MMP24: variants seen among roughly 807,000 people sequenced by gnomAD.
MMP24 encodes matrix metallopeptidase 24.
In MMP24, 25 loss-of-function variants were observed where a neutral mutation model predicts 62.8. The observed-to-expected ratio is 0.40, with a 90% CI of 0.29 to 0.56. The LOEUF (loss-of-function observed/expected upper bound fraction) is 0.56, where lower values mean the gene tolerates loss of function less well. MMP24 is among the 20% of genes least tolerant of loss of function. MMP24 has a pLI of 0.50. For synonymous variants in MMP24, 319 were observed against 350.5 expected, an observed-to-expected ratio of 0.91 and a Z score of 1.00; for missense variants, 634 against 853.6, an observed-to-expected ratio of 0.74 and a Z score of 3.21.
At chr20:35,251,285 AT>A (rs561724986) in intron 2 of MMP24, among the ~76,000 whole-genome samples, 37 of 146,856 alleles carry the variant, frequency 2.5e-4, no homozygotes, top group Admixed American at 3.4e-4. Context: ...CAGCTGGCTA[AT>A]TTTTTTTTTT....
chr20:35,235,342 TAC>T (rs2060457739), intron 1 of MMP24, among the ~76,000 whole-genome samples: 1 of 152,128 alleles, frequency 6.6e-6, no homozygotes, highest in South Asian at 2.1e-4. Context: ...AAGTTGAGGC[TAC>T]AGAGAGCAGA....
intron 1 of MMP24, among the ~76,000 whole-genome samples, chr20:35,232,863 C>T (rs930349291): frequency 2.6e-5 from 4 of 152,138 alleles, no homozygotes; most frequent in Non-Finnish European, 5.9e-5. Flanking sequence ...GCGACCTGCT[C>T]AGAGCCATGT....
intron 1 of MMP24, among the ~76,000 whole-genome samples, chr20:35,230,075 C>T (rs542820904): frequency 5.9e-5 from 9 of 152,122 alleles, no homozygotes; most frequent in Admixed American, 1.3e-4. Flanking sequence ...CTGCAACCTC[C>T]GCCTCCCAGG....
intron 2 of MMP24, among the ~76,000 whole-genome samples, chr20:35,247,307 G>A (rs1334207154): frequency 6.6e-6 from 1 of 152,114 alleles, no homozygotes; most frequent in African/African-American, 2.4e-5. Flanking sequence ...TTATCTATGG[G>A]TCACCCTCTG....
At position 35,276,389 on chromosome 20, in the gene MMP24, G is replaced by A. The variant is rs939173832; in HGVS notation, c.*1780G>A. Reference sequence around the variant, plus strand: ...CAAAGCACTTTATTAGCTCACACCTGTCCACTCACATGAAACTCGTGTTAG... The same window carrying A: ...CAAAGCACTTTATTAGCTCACACCTATCCACTCACATGAAACTCGTGTTAG... On this transcript the variant is annotated 3_prime_UTR_variant, in exon 9 of 9. Transcript: ENST00000246186. 7.5e-6 allele frequency: 3 copies of A among 398,394 alleles called. No homozygotes were observed. The highest frequency in any genetic ancestry group is 2.1e-5 in the African/African-American group (1 of 48,638). The allele number at this position is 398,394 out of a possible 1,614,324, so 24.7% of individuals were successfully genotyped here.
chr20:35,247,647 C>T (rs77606667), intron 2 of MMP24, among the ~76,000 whole-genome samples: 1,597 of 152,200 alleles, frequency 0.01, 34 homozygotes, highest in African/African-American at 0.037. Flanking sequence ...CAAAGCCAGC[C>T]GAGAAGGGGC....
intron 4 of MMP24, among the ~76,000 whole-genome samples, chr20:35,258,011 C>T (rs2060583316): frequency 6.6e-6 from 1 of 152,118 alleles, no homozygotes; most frequent in Admixed American, 6.5e-5. Context: ...TTCCTGGGAA[C>T]TTTTTGAACT....
chr20:35,254,841 T>C (rs1185867726), intron 4 of MMP24, 87 bp downstream of exon 4: 2 of 1,407,160 alleles, frequency 1.4e-6, no homozygotes, highest in African/African-American at 2.9e-5. Flanking sequence ...AGTTTCCTGC[T>C]TTCTAGAGCC....
At chr20:35,266,554 G>T (rs2060636669) in intron 5 of MMP24, among the ~76,000 whole-genome samples, 1 of 152,040 alleles carries the variant, frequency 6.6e-6, no homozygotes, top group Admixed American at 6.6e-5. Context: ...CACGCAGCCA[G>T]CAAAGGAGAC....
At chr20:35,237,777 C>T (rs907988800) in intron 1 of MMP24, among the ~76,000 whole-genome samples, 2 of 152,214 alleles carry the variant, frequency 1.3e-5, no homozygotes, top group Admixed American at 1.3e-4. Context: ...CCCAAGTGAG[C>T]TGTCTTTTTA....
chr20:35,272,955 C>T (rs148678784), intron 8 of MMP24, among the ~76,000 whole-genome samples: 6 of 152,252 alleles, frequency 3.9e-5, no homozygotes, highest in Admixed American at 6.5e-5. Flanking sequence ...TAGCTGCTAT[C>T]GTCATCATCA....
downstream of MMP24, chr20:35,276,998 AGT>A (rs1371667663): frequency 6.6e-6 from 1 of 152,666 alleles, no homozygotes; most frequent in Non-Finnish European, 1.5e-5. Flanking sequence ...AGAAATACAG[AGT>A]GTGTCATTTC....
Position 35,226,764 on chromosome 20 carries a change from C to T in MMP24, c.26C>T (p.Ala9Val). The T allele has an allele frequency of 1.9e-6, 1 of 523,534 alleles. No individual in the cohort carries two copies. The highest frequency in any genetic ancestry group is 2.1e-6 in the Non-Finnish European group (1 of 480,674). The allele number at this position is 523,534 out of a possible 1,614,324, so 32.4% of individuals were successfully genotyped here. A position where few individuals can be genotyped will look rare whatever the true frequency, so the allele number is the denominator to read the frequency against. ...ATGCCGAGGAGCCGGGGCGGCCGCG[C>T]CGCGCCGGGGCCGCCGCCGCCGCCG... MPRSRGGR[A>V]APGPPPPPPP... is the part of the protein sequence containing the mutation. Residue 9 changes from alanine to valine, a missense_variant, in exon 1 of 9, where the codon GCC becomes GTC. Transcript: ENST00000246186.
chr20:35,255,006 A>C (rs915110450), intron 4 of MMP24, among the ~76,000 whole-genome samples: 2 of 152,230 alleles, frequency 1.3e-5, no homozygotes, highest in African/African-American at 2.4e-5. Context: ...GCCAGTAAGA[A>C]GATAAAGTAA....
chr20:35,275,944 T>G lies in MMP24; in HGVS notation c.*1335T>G, dbSNP rs1230962113. 1 of 398,448 alleles carries G rather than the reference T, an allele frequency of 2.5e-6. No homozygotes were observed. Among genetic ancestry groups the G allele is most frequent in the African/African-American group, 2.1e-5 (1 of 48,626 alleles). The allele number at this position is 398,448 out of a possible 1,614,324, so 24.7% of individuals were successfully genotyped here. A position where few individuals can be genotyped will look rare whatever the true frequency, so the allele number is the denominator to read the frequency against. On this transcript the variant is annotated 3_prime_UTR_variant, in exon 9 of 9. Transcript: ENST00000246186. ...GTTCCTAGGGCTTGGCCTGCCTTGC[T>G]CCACAGTACGGCGGAGGCAGCCCTG...
At chr20:35,263,710 T>G in intron 4 of MMP24, 81 bp from the exon 5 acceptor site, 2 of 1,239,314 alleles carry the variant, frequency 1.6e-6, no homozygotes, top group Non-Finnish European at 2.2e-6. Flanking sequence ...CCGTGCTCGG[T>G]GTTTGCTGAG....
intron 1 of MMP24, among the ~76,000 whole-genome samples, chr20:35,242,850 A>G (rs1188571908): frequency 6.6e-6 from 1 of 152,186 alleles, no homozygotes; most frequent in Non-Finnish European, 1.5e-5. Flanking sequence ...TCCAAGGAGC[A>G]CATGGGAGGG....
At chr20:35,264,849 T>C (rs946637028) in intron 5 of MMP24, among the ~76,000 whole-genome samples, 4 of 151,976 alleles carry the variant, frequency 2.6e-5, no homozygotes, top group Non-Finnish European at 5.9e-5. Context: ...GTTCTTGTTC[T>C]GGTCAAGTCA....
At chr20:35,262,002 A>G (rs2060605997) in intron 4 of MMP24, among the ~76,000 whole-genome samples, 2 of 151,826 alleles carry the variant, frequency 1.3e-5, no homozygotes, top group South Asian at 4.1e-4. Flanking sequence ...GGGTTTCACC[A>G]TGTTGGCCAA....
Sources: gnomAD v4.1 joint callset for allele counts (sites outside exome capture counted in the v4.1 genomes callset) on GRCh38, gnomAD v4.1.1 for gene constraint, MANE v1.5 for transcripts, NCBI Gene and HGNC (gene_info 2026-07-23, HGNC 2026-07-21) for gene names.